RAPGEF2: variants seen among roughly 807,000 people sequenced by gnomAD.
RAPGEF2 encodes PDZ domain containing guanine nucleotide exchange factor (GEF) 1.
Under a neutral mutation model 186.7 loss-of-function variants are expected in RAPGEF2, and 54 were observed. The observed-to-expected ratio is 0.29, with a 90% CI of 0.23 to 0.36. The LOEUF (loss-of-function observed/expected upper bound fraction) is 0.36. RAPGEF2 is among the 10% of genes least tolerant of loss of function. RAPGEF2 has a pLI of 1.00. For missense variants in RAPGEF2, 1,532 were observed against 2,045.0 expected, an observed-to-expected ratio of 0.75 and a Z score of 4.84; for synonymous variants, 712 against 705.9, an observed-to-expected ratio of 1.01 and a Z score of -0.14.
intron 1 of RAPGEF2, among the ~76,000 whole-genome samples, chr4:159,152,035 AAATG>A (rs1264585086): frequency 6.6e-6 from 1 of 152,198 alleles, no homozygotes; most frequent in Non-Finnish European, 1.5e-5. Flanking sequence ...TTTAAATAAT[AAATG>A]GGCCAGATGT....
At chr4:159,321,447 A>G (rs143556877) in intron 9 of RAPGEF2, among the ~76,000 whole-genome samples, 1,623 of 152,084 alleles carry the variant, frequency 0.011, 35 homozygotes, top group African/African-American at 0.037. Flanking sequence ...GCCTCAAGCA[A>G]TCCTCCTGCC....
chr4:159,333,233 C>T (rs1009001145), intron 17 of RAPGEF2, among the ~76,000 whole-genome samples: 5 of 152,290 alleles, frequency 3.3e-5, no homozygotes, highest in African/African-American at 1.2e-4. Context: ...CCGCCTCGGC[C>T]TCCCAAAGTG....
intron 17 of RAPGEF2, among the ~76,000 whole-genome samples, chr4:159,337,598 C>T (rs1767604396): frequency 6.6e-6 from 1 of 151,730 alleles, no homozygotes; most frequent in South Asian, 2.1e-4. Flanking sequence ...CTTAGAAAAA[C>T]CATAGGTTTG....
Position 159,350,148 on chromosome 4 carries a change from C to T in RAPGEF2, c.3724C>T (p.Pro1242Ser), listed in dbSNP as rs1730965994. 6.4e-7 allele frequency: 1 copy of T among 1,564,572 alleles called. No individual in the cohort carries two copies. Among genetic ancestry groups the T allele is most frequent in the African/African-American group, 1.4e-5 (1 of 72,786 alleles). ...KDLPPFGINS[P>S]QALKKILSLS... ...TTTTTCCATTATAGGCATAAACTCT[C>T]CACAAGCTTTAAAAAAAATTCTTTC... is the stretch of plus-strand genomic sequence containing the variant. Residue 1242 changes from proline (P) to serine (S), a missense_variant, in exon 26 of 30, where the codon CCA (proline) becomes TCA (serine). Around this residue, in one of 4 missense-constraint regions of RAPGEF2, gnomAD observed 594 missense variants for 608.5 expected, o/e 0.98. Coordinates refer to ENST00000691494, the MANE Select transcript of RAPGEF2 (RefSeq NM_001394067.2).
At chr4:159,275,949 A>G (rs886440021) in intron 7 of RAPGEF2, among the ~76,000 whole-genome samples, 8 of 152,232 alleles carry the variant, frequency 5.3e-5, no homozygotes, top group Middle Eastern at 3.4e-3. Context: ...AGTAATTAAG[A>G]AATATTTGGA....
At chr4:159,280,819 A>AT (rs1291649573) in intron 7 of RAPGEF2, among the ~76,000 whole-genome samples, 3 of 152,038 alleles carry the variant, frequency 2.0e-5, no homozygotes, top group African/African-American at 7.2e-5. Flanking sequence ...CAAAATCTTG[A>AT]TTTTTTTCAA....
intron 4 of RAPGEF2, among the ~76,000 whole-genome samples, chr4:159,222,854 CATT>C (rs1464826900): frequency 2.6e-5 from 4 of 151,806 alleles, no homozygotes; most frequent in East Asian, 1.9e-4. Flanking sequence ...ATTGGAATGT[CATT>C]ATTAAGATAA....
At chr4:159,160,449 GT>G (rs1744589125) in intron 1 of RAPGEF2, among the ~76,000 whole-genome samples, 1 of 152,216 alleles carries the variant, frequency 6.6e-6, no homozygotes, top group African/African-American at 2.4e-5. Flanking sequence ...AAACCCATCT[GT>G]TTCTGATTTT....
At position 159,358,128 on chromosome 4, in the gene RAPGEF2, T is replaced by A; in HGVS notation, c.4972T>A (p.Ser1658Thr). 1 of 1,612,526 alleles carries A rather than the reference T, an allele frequency of 6.2e-7. No individual in the cohort carries two copies. Among genetic ancestry groups the A allele is most frequent in the Non-Finnish European group, 8.5e-7 (1 of 1,179,432 alleles). Residue 1658 changes from serine (S) to threonine (T), a missense_variant, in exon 30 of 30, where the codon TCT (serine) becomes ACT (threonine). Physicochemically the swap from Ser to Thr is moderately conservative, Grantham distance 58. This residue lies in a region of RAPGEF2 where 594 missense variants were observed against 608.5 expected (regional missense o/e 0.98). Transcript: ENST00000691494. ...TGTATTTGCAGAAGATGAACAAGTT[T>A]CTGCTGTTTGAGGCACAGACTTTTC... ...STEEDEDEQV[S>T]AV is the part of the protein sequence containing the mutation.
chr4:159,303,000 G>A (rs1005912837), intron 7 of RAPGEF2, among the ~76,000 whole-genome samples: 2 of 151,918 alleles, frequency 1.3e-5, no homozygotes, highest in African/African-American at 2.4e-5. Flanking sequence ...CCCCTATTAA[G>A]TTTATGTTTA....
intron 5 of RAPGEF2, among the ~76,000 whole-genome samples, chr4:159,240,350 T>TTTTTTTTC (rs35080700): frequency 6.8e-6 from 1 of 146,650 alleles, no homozygotes; most frequent in African/African-American, 2.6e-5. Context: ...TTTTTTTTTT[T>TTTTTTTTC]GGAGACGGAG....
chr4:159,131,186 C>T (rs1340487158), intron 1 of RAPGEF2, among the ~76,000 whole-genome samples: 1 of 152,108 alleles, frequency 6.6e-6, no homozygotes, highest in African/African-American at 2.4e-5. Flanking sequence ...TCTCGGCTCA[C>T]CGCAACCTCC....
chr4:159,337,153 T>C (rs993111724), intron 17 of RAPGEF2, among the ~76,000 whole-genome samples: 2 of 152,256 alleles, frequency 1.3e-5, no homozygotes, highest in African/African-American at 4.8e-5. Flanking sequence ...GATACTTAAA[T>C]GTGTAGCTAG....
intron 1 of RAPGEF2, among the ~76,000 whole-genome samples, chr4:159,125,902 A>G (rs956074399): frequency 2.6e-5 from 4 of 152,204 alleles, no homozygotes; most frequent in African/African-American, 9.6e-5. Flanking sequence ...TGCTTTCATC[A>G]TGGTTCAGGA....
intron 26 of RAPGEF2, chr4:159,352,428 G>T (rs981612389): frequency 1.7e-5 from 7 of 404,066 alleles, no homozygotes; most frequent in African/African-American, 1.0e-4. Flanking sequence ...ATAGTTGAGT[G>T]GTGCCTTTTC....
chr4:159,279,279 G>T (rs1329494085), intron 7 of RAPGEF2, among the ~76,000 whole-genome samples: 1 of 152,216 alleles, frequency 6.6e-6, no homozygotes, highest in African/African-American at 2.4e-5. Context: ...CCATTGGCAG[G>T]TTTTTCTTGT....
chr4:159,269,623 TTTTAC>T (rs1453163487), intron 7 of RAPGEF2, among the ~76,000 whole-genome samples: 2 of 152,160 alleles, frequency 1.3e-5, no homozygotes, highest in African/African-American at 4.8e-5. Context: ...ACCCCAGGCT[TTTTAC>T]TTACCTTTTT....
At chr4:159,180,932 A>G (rs1221099935) in intron 1 of RAPGEF2, among the ~76,000 whole-genome samples, 2 of 152,200 alleles carry the variant, frequency 1.3e-5, no homozygotes, top group African/African-American at 2.4e-5. Context: ...TTACATTTTT[A>G]TTAACTAATC....
At chr4:159,304,320 G>A (rs746080127) in intron 7 of RAPGEF2, 22 bp from the exon 8 acceptor site, 2 of 1,573,130 alleles carry the variant, frequency 1.3e-6, no homozygotes, top group Admixed American at 1.8e-5. Flanking sequence ...TGTAATCCTA[G>A]TTTTTCCTGC....
Sources: allele counts gnomAD v4.1 joint callset (sites outside exome capture counted in the v4.1 genomes callset), GRCh38; gene constraint gnomAD v4.1.1; regional missense constraint gnomAD v4.1.1; transcripts MANE v1.5; gene names NCBI Gene and HGNC (gene_info 2026-07-23, HGNC 2026-07-21).